SCML4: variants seen among roughly 807,000 people sequenced by gnomAD.
SCML4 encodes sex comb on midleg-like protein 4.
In SCML4, 34 loss-of-function variants were observed where a neutral mutation model predicts 41.1. That is an observed-to-expected ratio of 0.83 (90% CI 0.63 to 1.10). The LOEUF (loss-of-function observed/expected upper bound fraction) is 1.10. Ranked by LOEUF, SCML4 falls within the 50% of genes least tolerant of loss-of-function variation. The pLI, the probability that SCML4 is intolerant of heterozygous loss-of-function variation, is 0.00. For missense variants in SCML4, 522 were observed against 534.1 expected (o/e 0.98, Z 0.22); for synonymous variants, 214 against 220.9 (o/e 0.97, Z 0.28).
At chr6:107,788,116 T>C (rs1480163717) in intron 1 of SCML4, among the ~76,000 whole-genome samples, 1 of 152,212 alleles carries the variant, frequency 6.6e-6, no homozygotes, top group African/African-American at 2.4e-5. Context: ...CAAGAGCAAG[T>C]GCACAGTTAT....
chr6:107,746,598 G>A, intron 4 of SCML4, 91 bp downstream of exon 4: 1 of 1,162,204 alleles, frequency 8.6e-7, no homozygotes, highest in Non-Finnish European at 1.3e-6. Flanking sequence ...ACAGACCCTG[G>A]CCACACCTGC....
intron 2 of SCML4, among the ~76,000 whole-genome samples, chr6:107,762,909 G>T (rs560566447): frequency 1.9e-3 from 200 of 107,022 alleles, no homozygotes; most frequent in African/African-American, 7.1e-3. Context: ...TTTGTTCAAG[G>T]TCTCACTCTG....
chr6:107,731,694 T>C (rs1776567715), intron 5 of SCML4, among the ~76,000 whole-genome samples: 1 of 152,214 alleles, frequency 6.6e-6, no homozygotes, highest in South Asian at 2.1e-4. Context: ...CCTCCGTGTG[T>C]GAACAGTTTG....
intron 1 of SCML4, among the ~76,000 whole-genome samples, chr6:107,820,808 G>T (rs530769285): frequency 6.6e-6 from 1 of 152,140 alleles, no homozygotes; most frequent in Non-Finnish European, 1.5e-5. Flanking sequence ...GGAGCACTGC[G>T]CTCTTGCAAA....
At chr6:107,785,766 G>T (rs1781842334) in intron 1 of SCML4, among the ~76,000 whole-genome samples, 1 of 152,236 alleles carries the variant, frequency 6.6e-6, no homozygotes, top group South Asian at 2.1e-4. Context: ...CAGGAGGACA[G>T]TTCTGAAGCA....
chr6:107,797,971 A>G (rs1484995739), intron 1 of SCML4, among the ~76,000 whole-genome samples: 6 of 152,050 alleles, frequency 3.9e-5, no homozygotes, highest in Non-Finnish European at 8.8e-5. Flanking sequence ...AGTAAACTCC[A>G]GTAGACTATG....
intron 1 of SCML4, among the ~76,000 whole-genome samples, chr6:107,812,203 C>T (rs565440155): frequency 6.6e-6 from 1 of 152,302 alleles, no homozygotes; most frequent in East Asian, 1.9e-4. Context: ...GAATTAGTCA[C>T]CACCAGGGAC....
At position 107,703,743 on chromosome 6, in the gene SCML4, G is replaced by A. The variant is rs969599322; in HGVS notation, c.*1457C>T. Among the ~76,000 whole-genome samples the A allele has an allele frequency of 6.2e-4, 94 of 152,318 alleles. No individual in the cohort carries two copies. Among genetic ancestry groups the A allele is most frequent in the African/African-American group, 2.1e-3 (88 of 41,556 alleles). ...GGTGCCTTTTCTGATTCACCTTTGG[G>A]CGAAGGGAGGCCCTGAGTCATCCCT... is the stretch of plus-strand genomic sequence containing the variant. On this transcript the variant is annotated 3_prime_UTR_variant, in exon 8 of 8. Coordinates refer to ENST00000369020, the MANE Select transcript of SCML4 (RefSeq NM_198081.5).
intron 7 of SCML4, 54 bp from the exon 8 acceptor site, chr6:107,705,379 G>C (rs1056818253): frequency 2.0e-6 from 3 of 1,523,392 alleles, no homozygotes; most frequent in African/African-American, 1.4e-5. Context: ...CAGAGTCATC[G>C]AACAGTGGCT....
At chr6:107,733,113 T>A (rs1776721069) in intron 5 of SCML4, among the ~76,000 whole-genome samples, 2 of 152,214 alleles carry the variant, frequency 1.3e-5, no homozygotes, top group African/African-American at 4.8e-5. Flanking sequence ...AGGTTTGAGA[T>A]GCAGCCTTGT....
chr6:107,751,563 A>T (rs996254331), intron 2 of SCML4, among the ~76,000 whole-genome samples: 5 of 146,884 alleles, frequency 3.4e-5, no homozygotes, highest in Non-Finnish European at 7.6e-5. Flanking sequence ...TTAAACTAAC[A>T]TTTTAACAAT....
intron 5 of SCML4, among the ~76,000 whole-genome samples, chr6:107,731,419 A>G (rs546628245): frequency 2.0e-5 from 3 of 152,368 alleles, no homozygotes; most frequent in Non-Finnish European, 4.4e-5. Flanking sequence ...AAGAACCACA[A>G]CATCTAGTCT....
intron 1 of SCML4, among the ~76,000 whole-genome samples, chr6:107,823,648 T>C (rs146259154): frequency 6.6e-6 from 1 of 152,328 alleles, no homozygotes; most frequent in East Asian, 1.9e-4. Flanking sequence ...AAAAACACTT[T>C]TACATGTTCA....
intron 2 of SCML4, among the ~76,000 whole-genome samples, 175 bp from the exon 3 acceptor site, chr6:107,749,988 TG>T (rs1778479667): frequency 6.8e-6 from 1 of 147,236 alleles, no homozygotes; most frequent in South Asian, 2.2e-4. Context: ...GATTCATATT[TG>T]GGGTCACACT....
In SCML4 at chr6:107,704,197, C is replaced by A. The variant is rs1773397462; in HGVS notation, c.*1003G>T. 6.6e-6 allele frequency: 1 copy of A among 152,222 alleles called. No homozygotes were observed. The highest frequency in any genetic ancestry group is 1.5e-5 in the Non-Finnish European group (1 of 68,048). The allele number at this position is 152,222 out of a possible 1,614,324, so 9.4% of individuals were successfully genotyped here. A position where few individuals can be genotyped will look rare whatever the true frequency, so the allele number is the denominator to read the frequency against. On this transcript the variant is annotated 3_prime_UTR_variant, in exon 8 of 8. Coordinates refer to ENST00000369020, the MANE Select transcript of SCML4 (RefSeq NM_198081.5). ...AATGTAACTAGAAATCAACACTCTC[C>A]CATTTCAAAGCTTCGTTGAGACATT...
chr6:107,778,244 TATATATATATATATATATATAACTTGAGA>T (rs1257862518), intron 1 of SCML4, among the ~76,000 whole-genome samples: 4 of 72,374 alleles, frequency 5.5e-5, no homozygotes, highest in Admixed American at 1.5e-4. Flanking sequence ...TATATATATA[TATATATATATATATATATATAACTTGAGA>T]ATGCCCAGGA....
At chr6:107,785,835 C>T (rs1781847532) in intron 1 of SCML4, among the ~76,000 whole-genome samples, 1 of 152,106 alleles carries the variant, frequency 6.6e-6, no homozygotes, top group African/African-American at 2.4e-5. Context: ...AAAGAGAGGT[C>T]CTACGAGGCT....
At chr6:107,720,472 A>G (rs907513024) in intron 6 of SCML4, 3 of 1,259,390 alleles carry the variant, frequency 2.4e-6, no homozygotes, top group Non-Finnish European at 3.0e-6. Context: ...TTTGGAGTCT[A>G]CGTATCCTGT....
chr6:107,749,893 T>G, intron 2 of SCML4, 80 bp from the exon 3 acceptor site: 1 of 1,446,420 alleles, frequency 6.9e-7, no homozygotes, highest in Non-Finnish European at 9.7e-7. Flanking sequence ...TAGACGGCAG[T>G]TAACCATTGC....
Sources: gnomAD v4.1 joint callset for allele counts (sites outside exome capture counted in the v4.1 genomes callset) on GRCh38, gnomAD v4.1.1 for gene constraint, MANE v1.5 for transcripts, NCBI Gene and HGNC (gene_info 2026-07-23, HGNC 2026-07-21) for gene names.